MTR: variants seen among roughly 807,000 people sequenced by gnomAD.
The protein encoded by MTR is 5-methyltetrahydrofolate-homocysteine methyltransferase.
In MTR, 84 loss-of-function variants were observed where a neutral mutation model predicts 154.8. That is an observed-to-expected ratio of 0.54 (90% CI 0.45 to 0.65). The LOEUF (loss-of-function observed/expected upper bound fraction) is 0.65. Ranked by LOEUF, MTR falls within the 30% of genes least tolerant of loss-of-function variation. The pLI is 0.00. For synonymous variants in MTR, 554 were observed against 553.9 expected, an observed-to-expected ratio of 1.00 and a Z score of 0.00; for missense variants, 1,275 against 1,570.2, an observed-to-expected ratio of 0.81 and a Z score of 3.18.
At chr1:236,812,616 T>A (rs1661369309) in intron 5 of MTR, 122 bp from the exon 6 acceptor site, 1 of 805,860 alleles carries the variant, frequency 1.2e-6, no homozygotes, top group Admixed American at 1.8e-5. Context: ...AAGATCATGT[T>A]CTTAAACTAT....
intron 17 of MTR, 39 bp downstream of exon 17, chr1:236,852,676 T>C (rs762087895): frequency 2.6e-6 from 4 of 1,561,082 alleles, no homozygotes; most frequent in East Asian, 4.5e-5. Context: ...GAAACCAGTT[T>C]TTAGTTGGGG....
intron 15 of MTR, among the ~76,000 whole-genome samples, chr1:236,839,296 TC>T (rs1485545947): frequency 6.6e-6 from 1 of 152,178 alleles, no homozygotes; most frequent in Non-Finnish European, 1.5e-5. Flanking sequence ...GGGTGAATAT[TC>T]CTAATACGCA....
Position 236,903,931 on chromosome 1 carries a change from C to A in MTR, c.*6287C>A, listed in dbSNP as rs141601861. 1 of 152,038 alleles carries A rather than the reference C, an allele frequency of 6.6e-6. No homozygotes were observed. Among genetic ancestry groups the A allele is most frequent in the Non-Finnish European group, 1.5e-5 (1 of 67,988 alleles). 9.4% of individuals were successfully genotyped at this position (152,038 alleles called of 1,614,324 possible). On this transcript the variant is annotated 3_prime_UTR_variant, in exon 33 of 33. Coordinates refer to ENST00000366577, the MANE Select transcript of MTR (RefSeq NM_000254.3). Reference sequence around the variant, plus strand: ...ATATTTTCAATAAAATATATAAAATCGAGTTGGTATATAGTGCCAAATACC... The same window carrying A: ...ATATTTTCAATAAAATATATAAAATAGAGTTGGTATATAGTGCCAAATACC...
chr1:236,865,684 G>A (rs1337539174), intron 22 of MTR, among the ~76,000 whole-genome samples: 1 of 152,020 alleles, frequency 6.6e-6, no homozygotes, highest in Non-Finnish European at 1.5e-5. Flanking sequence ...GCAAATTTGA[G>A]GATTTGAATA....
chr1:236,866,656 A>G (rs550050169), intron 22 of MTR, among the ~76,000 whole-genome samples: 23 of 152,372 alleles, frequency 1.5e-4, no homozygotes, highest in South Asian at 2.1e-4. Flanking sequence ...AGCACAGTTT[A>G]TGCAAAAGAA....
intron 19 of MTR, 64 bp downstream of exon 19, chr1:236,859,986 G>T: frequency 4.2e-6 from 6 of 1,426,730 alleles, no homozygotes; most frequent in Non-Finnish European, 5.9e-6. Flanking sequence ...TCCTGTTGTG[G>T]GCGGTGTGAC....
At chr1:236,828,806 A>G (rs766864555) in intron 11 of MTR, among the ~76,000 whole-genome samples, 1 of 151,986 alleles carries the variant, frequency 6.6e-6, no homozygotes, top group Non-Finnish European at 1.5e-5. Flanking sequence ...AATTTTGAGT[A>G]GGAAGCAAGG....
intron 27 of MTR, among the ~76,000 whole-genome samples, chr1:236,887,493 C>G (rs1328235754): frequency 4.3e-4 from 65 of 152,256 alleles, no homozygotes; most frequent in Non-Finnish European, 1.0e-4. Context: ...ATAGTTCAAG[C>G]TCCGATTATT....
chr1:236,823,794 A>ATTTTTTTT (rs1324332853), intron 8 of MTR, among the ~76,000 whole-genome samples: 4 of 23,384 alleles, frequency 1.7e-4, no homozygotes, highest in African/African-American at 3.3e-4. Flanking sequence ...TTCAGGTCAG[A>ATTTTTTTT]TCTTTTTTTT....
chr1:236,810,408 C>T (rs1261902601), intron 4 of MTR, 95 bp from the exon 5 acceptor site: 4 of 1,002,708 alleles, frequency 4.0e-6, no homozygotes, highest in Non-Finnish European at 6.4e-6. Context: ...AGATTATAGA[C>T]CTGTGTTCCA....
chr1:236,854,780 C>T (rs2103263655), intron 18 of MTR, among the ~76,000 whole-genome samples: 1 of 152,288 alleles, frequency 6.6e-6, no homozygotes, highest in African/African-American at 2.4e-5. Context: ...GCTAGGCATT[C>T]TTTTGGTCTG....
chr1:236,824,582 TGTGTG>T (rs1662172628), intron 9 of MTR, among the ~76,000 whole-genome samples: 1 of 152,226 alleles, frequency 6.6e-6, no homozygotes, highest in African/African-American at 2.4e-5. Context: ...AGAAGAATCT[TGTGTG>T]GTGTTACCTT....
intron 8 of MTR, chr1:236,819,618 T>G (rs1417621390): frequency 8.3e-6 from 4 of 480,220 alleles, no homozygotes; most frequent in Non-Finnish European, 1.6e-5. Flanking sequence ...CCATGTAACT[T>G]AAAGGGAAAC....
intron 15 of MTR, among the ~76,000 whole-genome samples, chr1:236,848,270 C>T (rs1663703483): frequency 6.6e-6 from 1 of 152,162 alleles, no homozygotes. Context: ...GGGTAACATA[C>T]TGTTCACTTC....
intron 1 of MTR, among the ~76,000 whole-genome samples, chr1:236,796,461 G>A (rs147303978): frequency 6.6e-6 from 1 of 152,294 alleles, no homozygotes; most frequent in Non-Finnish European, 1.5e-5. Flanking sequence ...CGTAAAAACG[G>A]GTGAGGAGAT....
intron 30 of MTR, chr1:236,894,998 C>T: frequency 2.7e-6 from 1 of 371,332 alleles, no homozygotes; most frequent in Non-Finnish European, 5.0e-6. Flanking sequence ...AGAGCCTCTC[C>T]CTTTTCCTGC....
chr1:236,811,994 T>C (rs577761320), intron 5 of MTR, among the ~76,000 whole-genome samples: 30 of 152,308 alleles, frequency 2.0e-4, no homozygotes, highest in African/African-American at 3.6e-4. Context: ...GATTATCCTG[T>C]CTCACTCTCC....
At chr1:236,820,351 G>C in intron 8 of MTR, 1 of 761,090 alleles carries the variant, frequency 1.3e-6, no homozygotes, top group Admixed American at 1.7e-5. Flanking sequence ...CGAGTTCACT[G>C]CTACTCGGCC....
chr1:236,871,506 T>C (rs1049294348), intron 22 of MTR, among the ~76,000 whole-genome samples: 1 of 138,856 alleles, frequency 7.2e-6, no homozygotes, highest in African/African-American at 2.5e-5. Flanking sequence ...TTTTAAAACA[T>C]ATACAATGTT....
Sources: gnomAD v4.1 joint callset for allele counts (sites outside exome capture counted in the v4.1 genomes callset) on GRCh38, gnomAD v4.1.1 for gene constraint, MANE v1.5 for transcripts, NCBI Gene and HGNC (gene_info 2026-07-23, HGNC 2026-07-21) for gene names.